Variants in IL1RAP observed in about 807,000 individuals in gnomAD.
IL1RAP encodes interleukin-1 receptor accessory protein.
IL1RAP carries 35 observed loss-of-function variants against 60.7 expected under a neutral mutation model. That is an observed-to-expected ratio of 0.58 (90% CI 0.44 to 0.76). IL1RAP has a LOEUF of 0.76. Among genes scored for constraint, IL1RAP ranks in the 30% least tolerant of loss-of-function variants. The pLI is 0.00. For missense variants in IL1RAP, 572 were observed against 693.9 expected, an observed-to-expected ratio of 0.82 and a Z score of 1.97; for synonymous variants, 268 against 250.9, an observed-to-expected ratio of 1.07 and a Z score of -0.64.
chr3:190,554,932 G>A (rs567247135), intron 1 of IL1RAP, among the ~76,000 whole-genome samples: 76 of 152,244 alleles, frequency 5.0e-4, no homozygotes, highest in African/African-American at 1.8e-3. Flanking sequence ...GGAATTACAG[G>A]TTTTGTAGAG....
intron 1 of IL1RAP, among the ~76,000 whole-genome samples, chr3:190,540,063 A>G (rs906102837): frequency 1.3e-5 from 2 of 152,258 alleles, no homozygotes; most frequent in African/African-American, 4.8e-5. Flanking sequence ...GTTGCTTACA[A>G]TGAAATGAAG....
chr3:190,583,527 A>T (rs6800655), intron 3 of IL1RAP, among the ~76,000 whole-genome samples: 53,407 of 152,082 alleles, frequency 0.35, 9,657 homozygotes, highest in East Asian at 0.51. Context: ...CTGGGCACTA[A>T]GCTGGATGAG....
At chr3:190,574,561 C>A (rs1560181238) in intron 3 of IL1RAP, among the ~76,000 whole-genome samples, 1 of 152,208 alleles carries the variant, frequency 6.6e-6, no homozygotes, top group East Asian at 1.9e-4. Context: ...CTCTGTCCCT[C>A]CACTTAGGTG....
intron 6 of IL1RAP, among the ~76,000 whole-genome samples, chr3:190,621,822 T>G (rs9866258): frequency 6.7e-6 from 1 of 150,106 alleles, no homozygotes; most frequent in Admixed American, 6.6e-5. Context: ...GCTTTTGCAT[T>G]TTTATATGGT....
At chr3:190,592,472 G>T (rs1486295301) in intron 3 of IL1RAP, among the ~76,000 whole-genome samples, 1 of 152,204 alleles carries the variant, frequency 6.6e-6, no homozygotes, top group Non-Finnish European at 1.5e-5. Context: ...CCAAAACCCA[G>T]TTATGAAATG....
At chr3:190,621,385 C>T (rs1283456596) in intron 6 of IL1RAP, among the ~76,000 whole-genome samples, 4 of 152,094 alleles carry the variant, frequency 2.6e-5, no homozygotes, top group Non-Finnish European at 4.4e-5. Context: ...TGTTCTTTTT[C>T]TGCTTACTTT....
intron 1 of IL1RAP, among the ~76,000 whole-genome samples, chr3:190,515,938 G>A (rs1021255430): frequency 1.3e-5 from 2 of 152,094 alleles, no homozygotes; most frequent in Non-Finnish European, 2.9e-5. Flanking sequence ...ACATTCACAT[G>A]CCCACACTAG....
chr3:190,536,562 C>T (rs1054748536), intron 1 of IL1RAP, among the ~76,000 whole-genome samples: 3 of 152,006 alleles, frequency 2.0e-5, no homozygotes, highest in Non-Finnish European at 4.4e-5. Flanking sequence ...AGAAAATTAC[C>T]GTAAGCCTAA....
At chr3:190,659,339 A>G (rs1029501125) in exon 12 of IL1RAP, 4 of 152,186 alleles carry the variant, frequency 2.6e-5, no homozygotes, top group South Asian at 2.1e-4. Context: ...CTTGGACAAT[A>G]TAAGTGTAGT....
At chr3:190,520,557 C>T (rs1268545134) in intron 1 of IL1RAP, 1 of 152,096 alleles carries the variant, frequency 6.6e-6, no homozygotes. Context: ...GACAGCAAGA[C>T]CAGTGTCAAG....
At chr3:190,601,205 G>A (rs1374040412) in intron 3 of IL1RAP, among the ~76,000 whole-genome samples, 2 of 152,096 alleles carry the variant, frequency 1.3e-5, no homozygotes, top group East Asian at 3.9e-4. Flanking sequence ...GGCTGGTCTC[G>A]AACTCCTGAC....
chr3:190,595,010 C>T (rs1005123533), intron 3 of IL1RAP, among the ~76,000 whole-genome samples: 1 of 152,158 alleles, frequency 6.6e-6, no homozygotes, highest in African/African-American at 2.4e-5. Flanking sequence ...TCCTGTCTCT[C>T]CCTTCTCTCT....
chr3:190,541,567 G>A (rs193222875), intron 1 of IL1RAP, among the ~76,000 whole-genome samples: 18 of 152,058 alleles, frequency 1.2e-4, no homozygotes, highest in African/African-American at 4.1e-4. Flanking sequence ...CAAATTATAC[G>A]CCTCCAAGTT....
chr3:190,564,787 T>C (rs1726229081), intron 3 of IL1RAP: 1 of 179,288 alleles, frequency 5.6e-6, no homozygotes, highest in South Asian at 1.2e-4. Flanking sequence ...ATATTGTTTC[T>C]ATATAGGAAA....
At position 190,631,372 on chromosome 3, in the gene IL1RAP, G is replaced by A. The variant is rs893765372; in HGVS notation, c.1051+1874G>A. Among the ~76,000 whole-genome samples the A allele has an allele frequency of 7.9e-5, 12 of 152,236 alleles. No homozygotes were observed. In the Middle Eastern group the frequency reaches 0.01, roughly 129 times the overall value. On this transcript the variant is annotated intron_variant, in intron 9 of 11. Coordinates refer to ENST00000447382, the MANE Select transcript of IL1RAP (RefSeq NM_002182.4). ...CCAGAGTAGCTCCCCTTTTACAGAA[G>A]CCCCTGCTCTAAATGGTGTAATAAG...
chr3:190,564,144 G>A, intron 2 of IL1RAP, 145 bp from the exon 3 acceptor site: 2 of 594,904 alleles, frequency 3.4e-6, no homozygotes, highest in East Asian at 2.8e-5. Context: ...CTTATTGGTT[G>A]GTTCTGACAA....
chr3:190,601,888 T>C (rs1227312189), intron 3 of IL1RAP, among the ~76,000 whole-genome samples: 1 of 152,136 alleles, frequency 6.6e-6, no homozygotes, highest in East Asian at 1.9e-4. Context: ...TGTGGACTTG[T>C]TCTCATAGTG....
chr3:190,644,114 A>G, intron 9 of IL1RAP, 134 bp from the exon 10 acceptor site: 8 of 1,435,074 alleles, frequency 5.6e-6, no homozygotes, highest in African/African-American at 2.9e-5. Flanking sequence ...AAACTCTACA[A>G]TGTTATCTCT....
chr3:190,566,739 C>T (rs1257848130), intron 3 of IL1RAP, among the ~76,000 whole-genome samples: 1 of 152,066 alleles, frequency 6.6e-6, no homozygotes, highest in Non-Finnish European at 1.5e-5. Flanking sequence ...GGGAGAGGAA[C>T]AAAAAGGACA....
Sources: allele counts gnomAD v4.1 joint callset (sites outside exome capture counted in the v4.1 genomes callset), GRCh38; gene constraint gnomAD v4.1.1; transcripts MANE v1.5; gene names NCBI Gene and HGNC (gene_info 2026-07-23, HGNC 2026-07-21).